The following PAN3 variants were observed in gnomAD, a reference collection of about 807,000 sequenced individuals.
PAN3 encodes PAN2-PAN3 deadenylation complex subunit PAN3.
A neutral mutation model predicts 96.2 loss-of-function variants in PAN3; 19 were observed. The observed-to-expected ratio is 0.20, with a 90% confidence interval of 0.14 to 0.29. The LOEUF is 0.29. PAN3 is among the 10% of genes least tolerant of loss of function. PAN3 has a pLI of 1.00. For synonymous variants in PAN3, 433 were observed against 406.6 expected (o/e 1.06, Z -0.78); for missense variants, 882 against 1,108.1 (o/e 0.80, Z 2.90).
Position 28,292,633 on chromosome 13 carries a change from T to C in PAN3, c.*111T>C, listed in dbSNP as rs1302481146. 1.9e-6 allele frequency: 2 copies of C among 1,074,476 alleles called. No individual in the cohort carries two copies. Among genetic ancestry groups the C allele is most frequent in the African/African-American group, 1.6e-5 (1 of 62,128 alleles). The allele number at this position is 1,074,476 out of a possible 1,614,324, so 66.6% of individuals were successfully genotyped here. ...TCACATTTGGGAAACGAACAGGAGA[T>C]GAGCAAAGCTGCTTGCACTTCAGTC... is the stretch of plus-strand genomic sequence containing the variant. On this transcript the variant is annotated 3_prime_UTR_variant, in exon 19 of 19. Coordinates refer to ENST00000380958, the MANE Select transcript of PAN3 (RefSeq NM_175854.8).
intron 1 of PAN3, among the ~76,000 whole-genome samples, chr13:28,168,335 A>G (rs74925281): frequency 0.02 from 3,020 of 152,314 alleles, 43 homozygotes; most frequent in South Asian, 0.031. Context: ...TTGGCACTCA[A>G]AAAGTTTCAG....
Position 28,139,118 on chromosome 13 carries a change from G to A in PAN3, c.430+31G>A, listed in dbSNP as rs562846592. The A allele has an allele frequency of 2.6e-3, 3,288 of 1,278,746 alleles. 67 individuals carry two copies. The African/African-American group carries it at 0.044, about 17-fold the overall frequency. The allele number at this position is 1,278,746 out of a possible 1,614,324, so 79.2% of individuals were successfully genotyped here. On this transcript the variant is annotated intron_variant, in intron 1 of 18. Transcript: ENST00000380958. ...TGTTTTTCGGGCGGGGCGGGCCGCG[G>A]CGGCGGAGGGCAGGCCTGGGCCGGA... is the stretch of plus-strand genomic sequence containing the variant.
intron 1 of PAN3, among the ~76,000 whole-genome samples, chr13:28,170,180 GTCT>G (rs1392319512): frequency 6.6e-6 from 1 of 152,102 alleles, no homozygotes; most frequent in Non-Finnish European, 1.5e-5. Context: ...AGCATAAGTC[GTCT>G]TCTATCAAAG....
At chr13:28,274,576 ACCT>A (rs1372511592) in intron 14 of PAN3, among the ~76,000 whole-genome samples, 1 of 151,888 alleles carries the variant, frequency 6.6e-6, no homozygotes, top group Non-Finnish European at 1.5e-5. Context: ...TCGTGTAGTT[ACCT>A]TGAAAAACAA....
At chr13:28,178,988 A>AC (rs1014857938) in intron 4 of PAN3, among the ~76,000 whole-genome samples, 20 of 151,350 alleles carry the variant, frequency 1.3e-4, no homozygotes, top group African/African-American at 4.7e-4. Flanking sequence ...AGAGAAAAAA[A>AC]AGTTATGAAG....
intron 1 of PAN3, among the ~76,000 whole-genome samples, chr13:28,157,765 A>G (rs537444577): frequency 6.6e-6 from 1 of 152,350 alleles, no homozygotes; most frequent in South Asian, 2.1e-4. Flanking sequence ...TATTGTTAAA[A>G]TGGCCATACT....
At chr13:28,156,946 G>A (rs899470886) in intron 1 of PAN3, among the ~76,000 whole-genome samples, 10 of 125,420 alleles carry the variant, frequency 8.0e-5, no homozygotes, top group Admixed American at 2.9e-4. Context: ...AGTGAGCTGA[G>A]ATTGGGCCAT....
At chr13:28,244,014 T>G (rs1247856115) in intron 6 of PAN3, among the ~76,000 whole-genome samples, 1 of 152,160 alleles carries the variant, frequency 6.6e-6, no homozygotes, top group Non-Finnish European at 1.5e-5. Context: ...ATAAACTCTT[T>G]CAGAAAAGAT....
chr13:28,168,534 C>G (rs756345697), intron 1 of PAN3, among the ~76,000 whole-genome samples: 51 of 152,108 alleles, frequency 3.4e-4, no homozygotes, highest in Non-Finnish European at 6.5e-4. Flanking sequence ...GCCTGGCCAA[C>G]ATGGTGAAAC....
chr13:28,144,995 G>C (rs1374838705), intron 1 of PAN3, among the ~76,000 whole-genome samples: 1 of 152,098 alleles, frequency 6.6e-6, no homozygotes, highest in Non-Finnish European at 1.5e-5. Flanking sequence ...TGGGACTACA[G>C]GCGTGAGCCA....
At chr13:28,195,685 G>T (rs1014036675) in intron 4 of PAN3, among the ~76,000 whole-genome samples, 2 of 151,994 alleles carry the variant, frequency 1.3e-5, no homozygotes, top group African/African-American at 4.8e-5. Context: ...ACAGACATGT[G>T]CCACCATGCT....
rs1870114588 is a variant in PAN3, at chr13:28,294,525, T to G, written c.*2003T>G. 6.6e-6 allele frequency: 1 copy of G among 152,634 alleles called. No individual in the cohort carries two copies. The highest frequency in any genetic ancestry group is 2.1e-4 in the South Asian group (1 of 4,830). The allele number at this position is 152,634 out of a possible 1,614,324, so 9.5% of individuals were successfully genotyped here. ...AATGAAAGGGGATCATCTATTTTAGTTTTGGGGTCTGGGAACTTTTTGAAA... is the reference window on the plus strand; with the variant it reads ...AATGAAAGGGGATCATCTATTTTAGGTTTGGGGTCTGGGAACTTTTTGAAA... On this transcript the variant is annotated 3_prime_UTR_variant, in exon 19 of 19. Coordinates refer to ENST00000380958, the MANE Select transcript of PAN3 (RefSeq NM_175854.8).
intron 1 of PAN3, among the ~76,000 whole-genome samples, chr13:28,172,893 A>G (rs1874486910): frequency 6.6e-6 from 1 of 152,184 alleles, no homozygotes; most frequent in Non-Finnish European, 1.5e-5. Context: ...CGTCTCTACA[A>G]AAACAAAAGA....
chr13:28,219,033 C>G (rs111547470), intron 5 of PAN3, among the ~76,000 whole-genome samples: 19 of 152,068 alleles, frequency 1.2e-4, no homozygotes, highest in Non-Finnish European at 2.1e-4. Flanking sequence ...GAAGGTACTA[C>G]GTTAGTAAAA....
intron 1 of PAN3, among the ~76,000 whole-genome samples, chr13:28,159,671 C>A (rs1256737326): frequency 2.0e-5 from 3 of 152,118 alleles, no homozygotes. Context: ...TGGTCTTGAA[C>A]TCCCGACCTC....
intron 1 of PAN3, among the ~76,000 whole-genome samples, chr13:28,139,360 A>AG (rs2137888438): frequency 9.6e-5 from 2 of 20,934 alleles, no homozygotes; most frequent in East Asian, 2.6e-3. Flanking sequence ...GCGGGGAGGA[A>AG]GGGGGATGGG....
rs1881276269 is a variant in PAN3 at position 28,220,386 on chromosome 13, G to A, written c.1000+8G>A. 1 of 1,612,684 alleles carries A rather than the reference G, an allele frequency of 6.2e-7. No individual in the cohort carries two copies. Among genetic ancestry groups the A allele is most frequent in the Non-Finnish European group, 8.5e-7 (1 of 1,179,230 alleles). On this transcript the variant is annotated splice_region_variant and intron_variant, in intron 6 of 18. Transcript: ENST00000380958. ...CTGCTGGATTAGCGCCAGGTAAGTT[G>A]AGTAACTATTTCCAGTGAGTTCCAG...
At chr13:28,284,372 CTTT>C (rs1868701448) in intron 17 of PAN3, among the ~76,000 whole-genome samples, 1 of 146,686 alleles carries the variant, frequency 6.8e-6, no homozygotes, top group South Asian at 2.1e-4. Context: ...GAGATTCACT[CTTT>C]TTGTGATTTT....
In PAN3 at chr13:28,139,106, G is replaced by GGGCGGGCCGC. The variant is rs1869218172; in HGVS notation, c.430+25_430+34dup. 1.6e-6 allele frequency: 2 copies of GGGCGGGCCGC among 1,270,236 alleles called. No individual in the cohort carries two copies. Among genetic ancestry groups the GGGCGGGCCGC allele is most frequent in the East Asian group, 3.2e-5 (1 of 31,594 alleles). 78.7% of individuals were successfully genotyped at this position (1,270,236 alleles called of 1,614,324 possible). On this transcript the variant is annotated intron_variant, in intron 1 of 18. Transcript: ENST00000380958. The stretch of plus-strand genomic sequence containing the variant: ...CTGGCAAGTGAGTGTTTTTCGGGCG[G>GGGCGGGCCGC]GGCGGGCCGCGGCGGCGGAGGGCAG...
Sources: gnomAD v4.1 joint callset for allele counts (sites outside exome capture counted in the v4.1 genomes callset) on GRCh38, gnomAD v4.1.1 for gene constraint, MANE v1.5 for transcripts, NCBI Gene and HGNC (gene_info 2026-07-23, HGNC 2026-07-21) for gene names.